The following TTC28 variants were observed in gnomAD, a reference collection of about 807,000 sequenced individuals.
TTC28 encodes the protein tetratricopeptide repeat protein 28.
In TTC28, 61 loss-of-function variants were observed where a neutral mutation model predicts 198.0. That is an observed-to-expected ratio of 0.31 (90% CI 0.25 to 0.38). The LOEUF (loss-of-function observed/expected upper bound fraction) is 0.38. TTC28 is among the 10% of genes least tolerant of loss of function. The pLI is 1.00. For synonymous variants in TTC28, 1,171 were observed against 1,297.8 expected, an observed-to-expected ratio of 0.90 and a Z score of 2.10; for missense variants, 2,678 against 3,164.0, an observed-to-expected ratio of 0.85 and a Z score of 3.69.
Position 28,393,151 on chromosome 22 carries a change from G to C in TTC28, c.382-86508C>G, listed in dbSNP as rs539956965. 4.6e-5 allele frequency among the ~76,000 whole-genome samples: 7 copies of C among 152,164 alleles called. 1 individual carries two copies. Among genetic ancestry groups the C allele is most frequent in the Admixed American group, 4.6e-4 (7 of 15,296 alleles). On this transcript the variant is annotated intron_variant, in intron 2 of 22. Coordinates refer to ENST00000397906, the MANE Select transcript of TTC28 (RefSeq NM_001145418.2). ...TCCGACCTTGGCCTCTCAAAATGCT[G>C]GGAATACCCAGATGTGAGCCACCAA...
At chr22:28,094,003 G>A in intron 12 of TTC28, 77 bp downstream of exon 12, 2 of 1,399,888 alleles carry the variant, frequency 1.4e-6, no homozygotes, top group East Asian at 2.5e-5. Context: ...TCTTCTGTTA[G>A]CTCAAATAGG....
chr22:28,652,325 T>C (rs1382175795), intron 1 of TTC28, among the ~76,000 whole-genome samples: 1 of 152,248 alleles, frequency 6.6e-6, no homozygotes, highest in Non-Finnish European at 1.5e-5. Flanking sequence ...TAGGAAGCAG[T>C]GATCTGGTTC....
At chr22:28,320,195 T>C (rs946836790) in intron 2 of TTC28, among the ~76,000 whole-genome samples, 3 of 151,932 alleles carry the variant, frequency 2.0e-5, no homozygotes, top group African/African-American at 7.3e-5. Flanking sequence ...AGAGGATTGG[T>C]AGGGCAGGGG....
At chr22:28,473,966 A>T (rs2048130224) in intron 2 of TTC28, among the ~76,000 whole-genome samples, 1 of 152,126 alleles carries the variant, frequency 6.6e-6, no homozygotes, top group Admixed American at 6.5e-5. Context: ...ATAAAAGAAA[A>T]TTTTTTGTTG....
intron 6 of TTC28, among the ~76,000 whole-genome samples, chr22:28,153,410 A>C (rs1412499519): frequency 2.0e-5 from 3 of 150,712 alleles, no homozygotes; most frequent in African/African-American, 7.3e-5. Context: ...AAAAAAAAAA[A>C]AAAAAAAACC....
Position 28,163,473 on chromosome 22 carries a change from C to A in TTC28, c.1060G>T (p.Ala354Ser). 2 of 1,551,772 alleles carry A rather than the reference C, an allele frequency of 1.3e-6. No homozygotes were observed. The highest frequency in any genetic ancestry group is 1.7e-6 in the Non-Finnish European group (2 of 1,147,012). ...AKQSKDELSE[A>S]RELGNMGAVY... The stretch of plus-strand genomic sequence containing the variant: ...GCTCCCATGTTGCCAAGTTCTCGGG[C>A]TTCAGAAAGTTCATCTTTGGATTGC... Residue 354 changes from alanine to serine, a missense_variant, in exon 6 of 23, where the codon GCC (alanine) becomes TCC (serine). Ala to Ser is a moderately conservative substitution (Grantham distance 99, BLOSUM62 1). This residue lies in a region of TTC28 where 775 missense variants were observed against 845.9 expected (regional missense o/e 0.92). Coordinates refer to ENST00000397906, the MANE Select transcript of TTC28 (RefSeq NM_001145418.2).
intron 1 of TTC28, among the ~76,000 whole-genome samples, chr22:28,676,111 C>A (rs2051984922): frequency 6.6e-6 from 1 of 151,618 alleles, no homozygotes; most frequent in Non-Finnish European, 1.5e-5. Context: ...GAAAAAAAAA[C>A]TCACGTGCCT....
rs1259028858 is a variant in TTC28 at position 28,105,351 on chromosome 22, A to T, written c.3235T>A (p.Ser1079Thr). ...TGGGTCCTTCCAAGGCTACTATATG[A>T]CACCGTCTTGGCCGCCAAGTCATTC... ...QMNDLAAKTV[S>T]YSSLGRTHHA... Residue 1079 changes from serine to threonine, a missense_variant, in exon 8 of 23, where the codon TCA becomes ACA. Around this residue, in one of 8 missense-constraint regions of TTC28, gnomAD observed 727 missense variants for 861.9 expected, o/e 0.84. Transcript: ENST00000397906. The T allele has an allele frequency of 6.4e-7, 1 of 1,551,528 alleles. No individual in the cohort carries two copies. Among genetic ancestry groups the T allele is most frequent in the African/African-American group, 1.4e-5 (1 of 73,020 alleles).
intron 2 of TTC28, among the ~76,000 whole-genome samples, chr22:28,405,870 A>C: frequency 6.6e-6 from 1 of 152,250 alleles, no homozygotes; most frequent in East Asian, 1.9e-4. Context: ...ATTTGCATGT[A>C]ATTAAAAGTG....
intron 2 of TTC28, among the ~76,000 whole-genome samples, chr22:28,627,567 G>T (rs1036539694): frequency 8.6e-5 from 13 of 151,766 alleles, no homozygotes; most frequent in African/African-American, 3.1e-4. Flanking sequence ...GAGTAGCTGG[G>T]ATTACAGGTG....
intron 5 of TTC28, among the ~76,000 whole-genome samples, chr22:28,289,295 G>A (rs945853487): frequency 2.6e-5 from 4 of 152,092 alleles, no homozygotes; most frequent in African/African-American, 4.8e-5. Context: ...AAATCAGACT[G>A]ATAAAAAATA....
At chr22:28,308,803 A>G (rs2045196356) in intron 2 of TTC28, among the ~76,000 whole-genome samples, 1 of 152,184 alleles carries the variant, frequency 6.6e-6, no homozygotes, top group Non-Finnish European at 1.5e-5. Flanking sequence ...AGAAGGTTCA[A>G]AGGTCATCTT....
At chr22:28,369,758 CT>C (rs1202852450) in intron 2 of TTC28, among the ~76,000 whole-genome samples, 1 of 152,112 alleles carries the variant, frequency 6.6e-6, no homozygotes, top group Non-Finnish European at 1.5e-5. Context: ...ATAGAACTCC[CT>C]TTTTTTAAAG....
chr22:28,501,937 G>T (rs1264908260), intron 2 of TTC28, among the ~76,000 whole-genome samples: 1 of 152,118 alleles, frequency 6.6e-6, no homozygotes, highest in Non-Finnish European at 1.5e-5. Context: ...CATTAAGTTT[G>T]AGGTTTTAAA....
At chr22:28,006,859 T>C (rs1261022961) in intron 14 of TTC28, 1 of 152,236 alleles carries the variant, frequency 6.6e-6, no homozygotes, top group African/African-American at 2.4e-5. Context: ...ATGTTGATCA[T>C]GTCCTAATCT....
chr22:28,087,478 G>C lies in TTC28; in HGVS notation c.3932+6602C>G, dbSNP rs374227917. On this transcript the variant is annotated intron_variant, in intron 12 of 22. Transcript: ENST00000397906. ...ATTCAACAACCCTTCATGCTAAAAA[G>C]TCTCAATAAATTAGGTATTGATGGG... Among the ~76,000 whole-genome samples the C allele has an allele frequency of 2.1e-3, 313 of 152,032 alleles. 3 individuals carry two copies. The highest frequency in any genetic ancestry group is 6.3e-3 in the African/African-American group (260 of 41,490).
rs1308324976 is a variant in TTC28 at position 27,998,890 on chromosome 22, C to A, written c.4769G>T (p.Ser1590Ile). ...GCAGTCCGAGATGCTCTCCCCATCA[C>A]TGGCATCGTCCTGCACCCGCAAGGA... ...PESLRVQDDA[S>I]DGESISDCPP... The change falls in exon 16 of 23, where the codon AGT becomes ATT. Residue 1590 changes from serine to isoleucine, a missense_variant. By Grantham distance (142) the Ser-to-Ile change is moderately radical. Transcript: ENST00000397906. The A allele has an allele frequency of 1.3e-6, 2 of 1,550,452 alleles. No individual in the cohort carries two copies. The highest frequency in any genetic ancestry group is 3.9e-5 in the Admixed American group (2 of 51,012).
intron 5 of TTC28, among the ~76,000 whole-genome samples, chr22:28,167,608 C>G (rs893064605): frequency 1.3e-5 from 2 of 152,118 alleles, no homozygotes; most frequent in Admixed American, 1.3e-4. Context: ...AGGCCTTTGA[C>G]AAAATTCAAC....
intron 2 of TTC28, among the ~76,000 whole-genome samples, chr22:28,334,887 T>G (rs2045683181): frequency 1.3e-5 from 2 of 152,212 alleles, no homozygotes; most frequent in Admixed American, 1.3e-4. Flanking sequence ...TTTTGGCTTT[T>G]GTTGCCATTG....
Sources: gnomAD v4.1 joint callset for allele counts (sites outside exome capture counted in the v4.1 genomes callset) on GRCh38, gnomAD v4.1.1 for gene constraint, gnomAD v4.1.1 regional missense constraint, MANE v1.5 for transcripts, NCBI Gene and HGNC (gene_info 2026-07-23, HGNC 2026-07-21) for gene names.